Variants in GLIS3 observed in about 807,000 individuals in gnomAD.
The protein encoded by GLIS3 is GLIS family zinc finger 3.
GLIS3 carries 53 observed loss-of-function variants against 78.6 expected under a neutral mutation model. That is an observed-to-expected ratio of 0.67 (90% CI 0.54 to 0.85). The LOEUF is 0.85. Among genes scored for constraint, GLIS3 ranks in the 40% least tolerant of loss-of-function variants. The pLI is 0.00. For missense variants in GLIS3, 1,703 were observed against 1,231.1 expected (o/e 1.38, Z -5.74); for synonymous variants, 684 against 509.9 (o/e 1.34, Z -4.60).
intron 4 of GLIS3, among the ~76,000 whole-genome samples, chr9:4,058,399 T>G (rs1346582731): frequency 2.0e-5 from 3 of 152,144 alleles, no homozygotes; most frequent in Non-Finnish European, 4.4e-5. Flanking sequence ...CTTTGCCTAC[T>G]GATCTCTTTG....
chr9:4,239,136 C>T (rs543915714), intron 2 of GLIS3, among the ~76,000 whole-genome samples: 20 of 125,430 alleles, frequency 1.6e-4, no homozygotes, highest in South Asian at 1.5e-3. Context: ...TGAATAGTGC[C>T]GCAATAAACA....
At chr9:4,147,864 G>A (rs1218295808) in intron 2 of GLIS3, among the ~76,000 whole-genome samples, 2 of 151,932 alleles carry the variant, frequency 1.3e-5, no homozygotes, top group African/African-American at 4.8e-5. Flanking sequence ...CTAGGGATGT[G>A]TCTGAAAATA....
chr9:4,297,492 C>T (rs1816646035), intron 1 of GLIS3, among the ~76,000 whole-genome samples: 1 of 152,146 alleles, frequency 6.6e-6, no homozygotes, highest in African/African-American at 2.4e-5. Flanking sequence ...GCAGAACTTC[C>T]CTCTTCTCAC....
At chr9:4,162,316 G>C (rs1013890657) in intron 2 of GLIS3, among the ~76,000 whole-genome samples, 37 of 152,010 alleles carry the variant, frequency 2.4e-4, no homozygotes, top group African/African-American at 5.6e-4. Context: ...TCTATCTCCA[G>C]AAAAACAAAA....
At chr9:3,969,426 C>A (rs760077933) in intron 4 of GLIS3, among the ~76,000 whole-genome samples, 9 of 152,130 alleles carry the variant, frequency 5.9e-5, no homozygotes, top group Non-Finnish European at 1.2e-4. Flanking sequence ...TTACTAAGGC[C>A]CAATGTTTCC....
chr9:4,274,770 C>A (rs1003026590), intron 2 of GLIS3, among the ~76,000 whole-genome samples: 7 of 152,196 alleles, frequency 4.6e-5, no homozygotes, highest in Non-Finnish European at 8.8e-5. Context: ...ATGAAGCCAG[C>A]CCTGTGCACA....
Position 3,829,433 on chromosome 9 carries a change from C to G in GLIS3, c.2533G>C (p.Val845Leu), listed in dbSNP as rs1408119408. ...PPHYPDSQRI[V>L]PPVSSCSVVP... is the part of the protein sequence containing the mutation. ...ACACTGCAGGAGCTGACAGGCGGCA[C>G]AATTCTCTGGGAATCGGGGTAGTGT... The change falls in exon 10 of 11, where the codon GTG (valine) becomes CTG (leucine). Residue 845 changes from valine (V) to leucine (L), a missense_variant. Val to Leu is a conservative substitution (Grantham distance 32). Coordinates refer to ENST00000381971, the MANE Select transcript of GLIS3 (RefSeq NM_001042413.2). The G allele has an allele frequency of 1.6e-5, 26 of 1,614,126 alleles. No individual in the cohort carries two copies. The highest frequency in any genetic ancestry group is 2.2e-5 in the Non-Finnish European group (26 of 1,180,006).
chr9:4,062,218 T>A (rs1826712111), intron 4 of GLIS3, among the ~76,000 whole-genome samples: 1 of 152,232 alleles, frequency 6.6e-6, no homozygotes. Flanking sequence ...CCCTGTGCCT[T>A]AGCGACTAAT....
chr9:4,315,617 A>C (rs1312692029), intron 2 of GLIS3, among the ~76,000 whole-genome samples: 2 of 152,104 alleles, frequency 1.3e-5, no homozygotes, highest in Non-Finnish European at 2.9e-5. Flanking sequence ...GAAGACATAC[A>C]CTCAGAACAC....
the GLIS3 span, among the ~76,000 whole-genome samples, chr9:4,451,143 G>T: frequency 6.6e-6 from 1 of 152,150 alleles, no homozygotes; most frequent in Non-Finnish European, 1.5e-5. Flanking sequence ...AAAATAAAGG[G>T]ATGGAGGAAG....
the GLIS3 span, among the ~76,000 whole-genome samples, chr9:4,391,179 C>G: frequency 6.6e-6 from 1 of 152,178 alleles, no homozygotes; most frequent in Admixed American, 6.5e-5. Flanking sequence ...GTCAGTGAGG[C>G]TTCCTCTGAT....
intron 2 of GLIS3, among the ~76,000 whole-genome samples, chr9:4,312,769 C>T (rs1817384889): frequency 6.6e-6 from 1 of 152,216 alleles, no homozygotes; most frequent in African/African-American, 2.4e-5. Context: ...GCTGGGTATG[C>T]CAGCCCTGAG....
At chr9:4,405,504 C>A in the GLIS3 span, among the ~76,000 whole-genome samples, 1 of 151,990 alleles carries the variant, frequency 6.6e-6, no homozygotes, top group African/African-American at 2.4e-5. Flanking sequence ...TACGCATATA[C>A]AACCTATTAA....
chr9:3,996,928 T>C (rs1472912452), intron 4 of GLIS3, among the ~76,000 whole-genome samples: 1 of 152,186 alleles, frequency 6.6e-6, no homozygotes, highest in Non-Finnish European at 1.5e-5. Flanking sequence ...AAATGATAAG[T>C]GTCTAGAATA....
At chr9:3,908,727 T>TTTTTTTTC (rs1823915401) in intron 6 of GLIS3, among the ~76,000 whole-genome samples, 2 of 140,338 alleles carry the variant, frequency 1.4e-5, no homozygotes, top group Admixed American at 7.3e-5. Context: ...TTTTTTTTTT[T>TTTTTTTTC]TGTACAGGAT....
chr9:3,920,702 A>G (rs1279650229), intron 6 of GLIS3, among the ~76,000 whole-genome samples: 1 of 147,052 alleles, frequency 6.8e-6, no homozygotes, highest in Non-Finnish European at 1.5e-5. Flanking sequence ...TCCGATTTCT[A>G]TATTTGCTTA....
At chr9:4,301,175 T>C (rs1305803682), upstream of GLIS3, among the ~76,000 whole-genome samples, 3 of 152,184 alleles carry the variant, frequency 2.0e-5, no homozygotes, top group Non-Finnish European at 4.4e-5. Flanking sequence ...AAGCCTGGTT[T>C]CCACAGTACT....
chr9:4,248,450 T>C (rs1356800532), intron 2 of GLIS3, among the ~76,000 whole-genome samples: 2 of 152,230 alleles, frequency 1.3e-5, no homozygotes, highest in African/African-American at 2.4e-5. Context: ...TAGTATTCCA[T>C]GGTGTATATG....
chr9:3,851,875 G>C (rs1819455918), intron 9 of GLIS3, among the ~76,000 whole-genome samples: 1 of 152,106 alleles, frequency 6.6e-6, no homozygotes, highest in Non-Finnish European at 1.5e-5. Flanking sequence ...GGGAGTGGTG[G>C]CTCATGCCTG....
Sources: allele counts gnomAD v4.1 joint callset (sites outside exome capture counted in the v4.1 genomes callset), GRCh38; gene constraint gnomAD v4.1.1; transcripts MANE v1.5; gene names NCBI Gene and HGNC (gene_info 2026-07-23, HGNC 2026-07-21).